The following GPC5 variants were observed in gnomAD, a reference collection of about 807,000 sequenced individuals.
The protein encoded by GPC5 is glypican-5.
In GPC5, 47 loss-of-function variants were observed where a neutral mutation model predicts 53.9. The observed-to-expected ratio is 0.87, with a 90% confidence interval of 0.69 to 1.11. The LOEUF is 1.11. Ranked by LOEUF, GPC5 falls within the 50% of genes most tolerant of loss-of-function variation. The pLI is 0.00. For missense variants in GPC5, 748 were observed against 713.1 expected (o/e 1.05, Z -0.56); for synonymous variants, 286 against 263.3 (o/e 1.09, Z -0.84).
intron 6 of GPC5, among the ~76,000 whole-genome samples, chr13:91,949,230 C>G (rs1453001139): frequency 3.9e-5 from 6 of 152,132 alleles, no homozygotes; most frequent in Non-Finnish European, 8.8e-5. Context: ...CAGTCATCTC[C>G]ATGTGTTTTC....
At chr13:92,133,624 C>T (rs2041761916) in intron 6 of GPC5, among the ~76,000 whole-genome samples, 1 of 152,066 alleles carries the variant, frequency 6.6e-6, no homozygotes, top group Admixed American at 6.6e-5. Context: ...TTCCTCCCTC[C>T]CTCTCTCCCT....
At chr13:92,461,996 A>T (rs1009952924) in intron 7 of GPC5, among the ~76,000 whole-genome samples, 4 of 152,198 alleles carry the variant, frequency 2.6e-5, no homozygotes, top group African/African-American at 7.2e-5. Flanking sequence ...GCTGATGGGC[A>T]GCTGGGATGC....
chr13:92,429,727 T>C (rs1255277582), intron 7 of GPC5, among the ~76,000 whole-genome samples: 2 of 152,126 alleles, frequency 1.3e-5, no homozygotes, highest in African/African-American at 4.8e-5. Flanking sequence ...ATGTGTATTA[T>C]ACATTCTAAA....
At chr13:91,533,420 A>G (rs1214230330) in intron 2 of GPC5, among the ~76,000 whole-genome samples, 2 of 152,206 alleles carry the variant, frequency 1.3e-5, no homozygotes, top group Admixed American at 6.5e-5. Context: ...TTCTGAATAA[A>G]AAACCCCACA....
intron 7 of GPC5, among the ~76,000 whole-genome samples, chr13:92,795,703 AT>A (rs1876651585): frequency 6.6e-6 from 1 of 152,214 alleles, no homozygotes; most frequent in African/African-American, 2.4e-5. Flanking sequence ...TGGGCAAAGG[AT>A]ATGAACAGAC....
At chr13:92,243,522 A>G (rs1188100373) in intron 7 of GPC5, among the ~76,000 whole-genome samples, 1 of 152,202 alleles carries the variant, frequency 6.6e-6, no homozygotes, top group Non-Finnish European at 1.5e-5. Context: ...TATGAGACTC[A>G]TCTTAAAGGT....
chr13:91,702,839 A>G (rs1594452481), intron 3 of GPC5, among the ~76,000 whole-genome samples: 1 of 152,092 alleles, frequency 6.6e-6, no homozygotes, highest in South Asian at 2.1e-4. Context: ...CAGTGTACAT[A>G]TCTTCAACTT....
chr13:91,827,969 T>G (rs1271302583), intron 5 of GPC5, among the ~76,000 whole-genome samples: 1 of 152,032 alleles, frequency 6.6e-6, no homozygotes, highest in Non-Finnish European at 1.5e-5. Flanking sequence ...ATAACCAAAC[T>G]TGTGTATTTA....
At chr13:91,619,818 G>A (rs2033803622) in intron 2 of GPC5, among the ~76,000 whole-genome samples, 2 of 152,092 alleles carry the variant, frequency 1.3e-5, no homozygotes, top group Non-Finnish European at 2.9e-5. Flanking sequence ...TATGCTCAGT[G>A]GTGTGTATTT....
chr13:91,423,292 T>G (rs749498513), intron 1 of GPC5, among the ~76,000 whole-genome samples: 51 of 152,236 alleles, frequency 3.4e-4, no homozygotes, highest in Non-Finnish European at 1.0e-4. Flanking sequence ...AGTAGACATT[T>G]GTATTATTGC....
At chr13:92,751,358 A>C (rs1889394340) in intron 7 of GPC5, among the ~76,000 whole-genome samples, 1 of 137,916 alleles carries the variant, frequency 7.3e-6, no homozygotes, top group Admixed American at 7.7e-5. Flanking sequence ...ATAAAATCTT[A>C]TTTTGTTCTA....
chr13:92,679,866 TC>T (rs1252186986), intron 7 of GPC5, among the ~76,000 whole-genome samples: 1 of 152,020 alleles, frequency 6.6e-6, no homozygotes, highest in East Asian at 1.9e-4. Context: ...CTGCGCTCTC[TC>T]TTTTCCTCTC....
intron 5 of GPC5, among the ~76,000 whole-genome samples, chr13:91,845,184 ATTCT>A (rs1205195420): frequency 7.1e-6 from 1 of 140,110 alleles, no homozygotes; most frequent in Non-Finnish European, 1.6e-5. Flanking sequence ...GAACACTGAG[ATTCT>A]TTATGTTTCT....
At chr13:91,591,171 A>G (rs2032783642) in intron 2 of GPC5, among the ~76,000 whole-genome samples, 1 of 152,184 alleles carries the variant, frequency 6.6e-6, no homozygotes, top group Admixed American at 6.5e-5. Flanking sequence ...CTTCTATTGC[A>G]TCTAAGTAGA....
intron 7 of GPC5, among the ~76,000 whole-genome samples, chr13:92,291,473 A>C (rs923155679): frequency 6.6e-6 from 1 of 152,104 alleles, no homozygotes; most frequent in Non-Finnish European, 1.5e-5. Context: ...TAGCTAATCT[A>C]GTGGGGACAT....
chr13:92,269,400 T>G (rs902279028), intron 7 of GPC5, among the ~76,000 whole-genome samples: 5 of 151,534 alleles, frequency 3.3e-5, no homozygotes, highest in East Asian at 1.9e-4. Flanking sequence ...CTATTCCTTT[T>G]TTTTGTTTTG....
At chr13:92,803,871 T>C (rs947128378) in intron 7 of GPC5, among the ~76,000 whole-genome samples, 3 of 151,940 alleles carry the variant, frequency 2.0e-5, no homozygotes, top group Non-Finnish European at 4.4e-5. Context: ...CACACTTCAC[T>C]TCTCCCCCAG....
chr13:91,975,836 G>A lies in GPC5; in HGVS notation c.1401+67779G>A, dbSNP rs9707060. On this transcript the variant is annotated intron_variant, in intron 6 of 7. Coordinates refer to ENST00000377067, the MANE Select transcript of GPC5 (RefSeq NM_004466.6). Reference sequence around the variant, plus strand: ...CACATGCACACATATGTTTATTGCGGCACTATTCACACTAGCAAAGACTTG... The same window carrying A: ...CACATGCACACATATGTTTATTGCGACACTATTCACACTAGCAAAGACTTG... Among the ~76,000 whole-genome samples the A allele has an allele frequency of 5.4e-3, 818 of 152,254 alleles. 21 individuals carry two copies. Among genetic ancestry groups the A allele is most frequent in the Admixed American group, 0.042 (641 of 15,300 alleles).
At chr13:91,887,375 T>C (rs1056879266) in intron 5 of GPC5, among the ~76,000 whole-genome samples, 5 of 152,158 alleles carry the variant, frequency 3.3e-5, no homozygotes, top group Admixed American at 2.6e-4. Context: ...TTTGAGCCGG[T>C]GATGGAAAGA....
Sources: gnomAD v4.1 joint callset for allele counts (sites outside exome capture counted in the v4.1 genomes callset) on GRCh38, gnomAD v4.1.1 for gene constraint, MANE v1.5 for transcripts, NCBI Gene and HGNC (gene_info 2026-07-23, HGNC 2026-07-21) for gene names.